The following SMAD6 variants were observed in gnomAD, a reference collection of about 807,000 sequenced individuals.
SMAD6 encodes SMAD family member 6, also known as MAD homolog 6.
A neutral mutation model predicts 39.4 loss-of-function variants in SMAD6; 103 were observed. The observed-to-expected ratio is 2.62, with a 90% CI of 2.23 to 3.08. The LOEUF (loss-of-function observed/expected upper bound fraction) is 3.08. Among genes scored for constraint, SMAD6 ranks in the 30% most tolerant of loss-of-function variants. SMAD6 has a pLI of 0.00. For synonymous variants in SMAD6, 445 were observed against 353.3 expected, an observed-to-expected ratio of 1.26 and a Z score of -2.91; for missense variants, 1,104 against 742.9, an observed-to-expected ratio of 1.49 and a Z score of -5.65.
chr15:66,721,125 G>A (rs1246468366), intron 3 of SMAD6, among the ~76,000 whole-genome samples: 1 of 152,134 alleles, frequency 6.6e-6, no homozygotes, highest in Admixed American at 6.5e-5. Flanking sequence ...TTTGGGAACA[G>A]AGGCTCAGGG....
chr15:66,727,981 G>A (rs1449402176), intron 3 of SMAD6, among the ~76,000 whole-genome samples: 3 of 151,926 alleles, frequency 2.0e-5, no homozygotes, highest in Admixed American at 6.6e-5. Context: ...GCCTCCCCAA[G>A]TAGCTGGGAT....
At chr15:66,724,862 G>A (rs908921327) in intron 3 of SMAD6, among the ~76,000 whole-genome samples, 1 of 152,134 alleles carries the variant, frequency 6.6e-6, no homozygotes, top group East Asian at 1.9e-4. Context: ...CCTGTCCAGG[G>A]CTGGCTGCAG....
At chr15:66,717,399 C>A in intron 3 of SMAD6, 1 of 456,148 alleles carries the variant, frequency 2.2e-6, no homozygotes, top group Non-Finnish European at 4.4e-6. Context: ...GGCCGGCACT[C>A]CACTTGGCCG....
chr15:66,769,497 G>C (rs1894345270), intron 3 of SMAD6, among the ~76,000 whole-genome samples: 1 of 152,132 alleles, frequency 6.6e-6, no homozygotes, highest in African/African-American at 2.4e-5. Context: ...TTCACACTGG[G>C]TGGGGTGTTC....
At chr15:66,722,795 G>A (rs994931096) in intron 3 of SMAD6, among the ~76,000 whole-genome samples, 1 of 152,044 alleles carries the variant, frequency 6.6e-6, no homozygotes, top group African/African-American at 2.4e-5. Flanking sequence ...GAGTGATGGG[G>A]GTGACTAGAG....
chr15:66,720,021 G>C (rs1282171685), intron 3 of SMAD6, among the ~76,000 whole-genome samples: 2 of 152,212 alleles, frequency 1.3e-5, no homozygotes, highest in Admixed American at 1.3e-4. Flanking sequence ...AGAACTTTTG[G>C]GGTACCTTCA....
At chr15:66,746,885 A>G (rs531084656) in intron 3 of SMAD6, among the ~76,000 whole-genome samples, 6 of 152,258 alleles carry the variant, frequency 3.9e-5, no homozygotes, top group Non-Finnish European at 5.9e-5. Flanking sequence ...AGACCCTTCA[A>G]ATCAGAGTTG....
chr15:66,776,041 G>A (rs1290047961), intron 3 of SMAD6, among the ~76,000 whole-genome samples: 1 of 152,234 alleles, frequency 6.6e-6, no homozygotes, highest in East Asian at 1.9e-4. Flanking sequence ...CTGAATGCAC[G>A]TATGTGTGTG....
At chr15:66,715,289 G>GAAAA (rs199551873) in intron 2 of SMAD6, among the ~76,000 whole-genome samples, 2 of 135,248 alleles carry the variant, frequency 1.5e-5, no homozygotes, top group Non-Finnish European at 1.6e-5. Context: ...AACGAGAGAG[G>GAAAA]AAAAAAAAAA....
chr15:66,720,439 G>A (rs1442171264), intron 3 of SMAD6, among the ~76,000 whole-genome samples: 1 of 152,090 alleles, frequency 6.6e-6, no homozygotes. Flanking sequence ...GGCCGGGCTG[G>A]GTGAGCTCTG....
Position 66,703,167 on chromosome 15 carries a change from T to C in SMAD6, c.-92T>C. On this transcript the variant is annotated 5_prime_UTR_variant, in exon 1 of 4. Transcript: ENST00000288840. ...TCCGCGGCGGAGCTTCATGTGGGGCTGCGACCCGCGCAGCCGGCGCCTCGC... is the reference window on the plus strand; with the variant it reads ...TCCGCGGCGGAGCTTCATGTGGGGCCGCGACCCGCGCAGCCGGCGCCTCGC... 1.0e-6 allele frequency: 1 copy of C among 999,152 alleles called. No individual in the cohort carries two copies. Among genetic ancestry groups the C allele is most frequent in the Non-Finnish European group, 1.3e-6 (1 of 741,396 alleles). The allele number at this position is 999,152 out of a possible 1,614,324, so 61.9% of individuals were successfully genotyped here.
chr15:66,773,072 G>A (rs974851939), intron 3 of SMAD6, among the ~76,000 whole-genome samples: 3 of 152,096 alleles, frequency 2.0e-5, no homozygotes, highest in South Asian at 2.1e-4. Context: ...GAGACCAGCC[G>A]CCAAAAGAGC....
chr15:66,780,861 G>A (rs1041376711), intron 3 of SMAD6, 136 bp from the exon 4 acceptor site: 3 of 770,368 alleles, frequency 3.9e-6, no homozygotes, highest in Admixed American at 2.8e-5. Context: ...CCTGGCACAC[G>A]GTGCCCACAT....
At chr15:66,729,076 TGA>T (rs779170753) in intron 3 of SMAD6, among the ~76,000 whole-genome samples, 5 of 152,226 alleles carry the variant, frequency 3.3e-5, no homozygotes, top group Non-Finnish European at 5.9e-5. Flanking sequence ...GATGGGGCCC[TGA>T]GAGGGGCAGT....
At position 66,703,443 on chromosome 15, in the gene SMAD6, C is replaced by G. The variant is rs778607291; in HGVS notation, c.185C>G (p.Pro62Arg). 11 of 1,276,658 alleles carry G rather than the reference C, an allele frequency of 8.6e-6. No individual in the cohort carries two copies. The South Asian group carries it at 3.0e-4, about 35-fold the overall frequency. 79.1% of individuals were successfully genotyped at this position (1,276,658 alleles called of 1,614,324 possible). The change falls in exon 1 of 4, where the codon CCG (proline) becomes CGG (arginine). Residue 62 changes from proline (P) to arginine (R), a missense_variant. Transcript: ENST00000288840. ...GGCTGCGGCCGCTCCGAAGTCCGCCCGGTAGCCCCGCGGCGGCCCCGGGAC... is the reference window on the plus strand; with the variant it reads ...GGCTGCGGCCGCTCCGAAGTCCGCCGGGTAGCCCCGCGGCGGCCCCGGGAC... ...GGGCGRSEVRPVAPRRPRDAV... is the reference protein window; with the variant it reads ...GGGCGRSEVRRVAPRRPRDAV...
chr15:66,779,007 G>GT (rs1024955906), intron 3 of SMAD6, among the ~76,000 whole-genome samples: 1 of 152,244 alleles, frequency 6.6e-6, no homozygotes, highest in Non-Finnish European at 1.5e-5. Flanking sequence ...GGGTGCTGCA[G>GT]TTTCGTGGCT....
intron 3 of SMAD6, among the ~76,000 whole-genome samples, chr15:66,729,387 A>G (rs1893582545): frequency 1.3e-5 from 2 of 152,228 alleles, no homozygotes; most frequent in Non-Finnish European, 2.9e-5. Context: ...TGTTTCCAAT[A>G]AACTGGGCCT....
chr15:66,717,214 A>T, intron 3 of SMAD6: 1 of 1,084,260 alleles, frequency 9.2e-7, no homozygotes, highest in Non-Finnish European at 1.2e-6. Context: ...GGCTGGTGGC[A>T]TGGTGGCCTG....
At chr15:66,751,676 C>T (rs1464472265) in intron 3 of SMAD6, among the ~76,000 whole-genome samples, 1 of 152,212 alleles carries the variant, frequency 6.6e-6, no homozygotes, top group Non-Finnish European at 1.5e-5. Flanking sequence ...TGGCTGTGGC[C>T]CTCACCCCGT....
Sources: gnomAD v4.1 joint callset for allele counts (sites outside exome capture counted in the v4.1 genomes callset) on GRCh38, gnomAD v4.1.1 for gene constraint, MANE v1.5 for transcripts, NCBI Gene and HGNC (gene_info 2026-07-23, HGNC 2026-07-21) for gene names.